SPATA6L: variants seen among roughly 807,000 people sequenced by gnomAD.
SPATA6L encodes spermatogenesis associated 6 like.
SPATA6L carries 68 observed loss-of-function variants against 49.2 expected under a neutral mutation model. The observed-to-expected ratio is 1.38, with a 90% CI of 1.14 to 1.69. The LOEUF (loss-of-function observed/expected upper bound fraction) is 1.69, where lower values mean the gene tolerates loss of function less well. SPATA6L is among the 40% of genes most tolerant of loss of function. SPATA6L has a pLI of 0.00. For synonymous variants in SPATA6L, 198 were observed against 165.7 expected (o/e 1.19, Z -1.50); for missense variants, 668 against 464.3 (o/e 1.44, Z -4.03).
intron 2 of SPATA6L, among the ~76,000 whole-genome samples, chr9:4,656,673 A>G (rs545147048): frequency 3.9e-5 from 6 of 152,366 alleles, no homozygotes; most frequent in African/African-American, 1.4e-4. Context: ...AAGTGCAAGA[A>G]AATTTCAATT....
intron 6 of SPATA6L, among the ~76,000 whole-genome samples, chr9:4,624,616 T>A (rs1464914514): frequency 2.6e-5 from 4 of 151,174 alleles, no homozygotes; most frequent in Non-Finnish European, 5.9e-5. Flanking sequence ...TAATCTCAGC[T>A]ACTCAGGAGG....
downstream of SPATA6L, among the ~76,000 whole-genome samples, chr9:4,595,543 C>A (rs2129961159): frequency 6.6e-6 from 1 of 152,278 alleles, no homozygotes; most frequent in Admixed American, 6.5e-5. Context: ...ATATTTAGGA[C>A]ACTTCAGAAG....
At chr9:4,665,257 A>C (rs1473911223) in intron 1 of SPATA6L, 1 of 164,156 alleles carries the variant, frequency 6.1e-6, no homozygotes, top group African/African-American at 2.4e-5. Context: ...AATAATGGTG[A>C]ATGAAGTGAG....
chr9:4,648,236 A>C (rs865866280), intron 3 of SPATA6L, among the ~76,000 whole-genome samples: 35 of 152,352 alleles, frequency 2.3e-4, no homozygotes, highest in African/African-American at 7.9e-4. Context: ...CAAGAAACTT[A>C]AAAACCAAGA....
chr9:4,662,555 A>G lies in SPATA6L; in HGVS notation c.40-519T>C, dbSNP rs1840085817. Reference sequence around the variant, plus strand: ...ACCCCACCTGCGCCCGGCTCCGTGCATCGGAGAGCCCAGTTCACCGCCGCG... The same window carrying G: ...ACCCCACCTGCGCCCGGCTCCGTGCGTCGGAGAGCCCAGTTCACCGCCGCG... On this transcript the variant is annotated intron_variant, in intron 1 of 11. Coordinates refer to ENST00000682582, the MANE Select transcript of SPATA6L (RefSeq NM_001353486.2). The surrounding 1 kb of genome is among the most constrained non-coding windows in gnomAD (Gnocchi z 4.9). The G allele has an allele frequency of 1.3e-6, 2 of 1,578,974 alleles. No individual in the cohort carries two copies. The highest frequency in any genetic ancestry group is 1.7e-6 in the Non-Finnish European group (2 of 1,171,620).
chr9:4,629,775 A>ATATATATG (rs1471147977), intron 4 of SPATA6L, among the ~76,000 whole-genome samples: 1 of 124,606 alleles, frequency 8.0e-6, no homozygotes, highest in Non-Finnish European at 1.6e-5. Flanking sequence ...GTGTGTATAT[A>ATATATATG]TATATATATA....
At chr9:4,656,945 C>T (rs1251977641) in intron 2 of SPATA6L, among the ~76,000 whole-genome samples, 2 of 150,782 alleles carry the variant, frequency 1.3e-5, no homozygotes, top group Admixed American at 6.6e-5. Context: ...CTAGCAGCTA[C>T]ACTCCCATAG....
chr9:4,642,611 A>G (rs1388857363), intron 3 of SPATA6L, among the ~76,000 whole-genome samples: 1 of 152,344 alleles, frequency 6.6e-6, no homozygotes, highest in Middle Eastern at 3.4e-3. Context: ...CACAGCAGGC[A>G]GGACTATGAT....
chr9:4,618,528 C>G (rs186071417), intron 8 of SPATA6L, among the ~76,000 whole-genome samples: 49 of 152,270 alleles, frequency 3.2e-4, no homozygotes, highest in African/African-American at 1.2e-3. Context: ...CTTTGACAAA[C>G]CAATCAAACT....
At chr9:4,609,136 A>G (rs1826043303) in intron 9 of SPATA6L, among the ~76,000 whole-genome samples, 1 of 151,644 alleles carries the variant, frequency 6.6e-6, no homozygotes, top group Non-Finnish European at 1.5e-5. Flanking sequence ...ACAGGATCTG[A>G]AATTGTGGCA....
chr9:4,657,106 A>T (rs1838454865), intron 2 of SPATA6L, among the ~76,000 whole-genome samples: 1 of 152,138 alleles, frequency 6.6e-6, no homozygotes, highest in South Asian at 2.1e-4. Flanking sequence ...ATAAAGGTAC[A>T]CCCTGTCTTT....
intron 9 of SPATA6L, among the ~76,000 whole-genome samples, chr9:4,614,573 A>T (rs927509295): frequency 2.0e-5 from 3 of 152,204 alleles, no homozygotes; most frequent in Non-Finnish European, 2.9e-5. Context: ...TATGAAGGGC[A>T]CATCCCTCAT....
At chr9:4,606,356 A>C (rs565782416) in intron 9 of SPATA6L, among the ~76,000 whole-genome samples, 2,559 of 137,582 alleles carry the variant, frequency 0.019, 99 homozygotes, top group Non-Finnish European at 0.028. Context: ...GGCACAGACA[A>C]ACAAAAAGAC....
Position 4,666,462 on chromosome 9 carries a change from A to C in SPATA6L, c.-212T>G. On this transcript the variant is annotated 5_prime_UTR_variant, in exon 1 of 12. Transcript: ENST00000682582. ...TCGAAGCTGGAGTGCAGGCTTCCAG[A>C]AGGCGGAAGCGTGGCGTTGCCAGGG... The C allele has an allele frequency of 1.7e-6, 1 of 576,970 alleles. No homozygotes were observed. The highest frequency in any genetic ancestry group is 3.1e-6 in the Non-Finnish European group (1 of 321,570). The allele number at this position is 576,970 out of a possible 1,614,324, so 35.7% of individuals were successfully genotyped here. A position where few individuals can be genotyped will look rare whatever the true frequency, so the allele number is the denominator to read the frequency against.
chr9:4,661,336 T>C (rs1839680228), intron 2 of SPATA6L, among the ~76,000 whole-genome samples: 2 of 152,178 alleles, frequency 1.3e-5, no homozygotes, highest in South Asian at 4.1e-4. Context: ...AATAGTTTAG[T>C]GTGAAGAAGG....
rs527856167 is a variant in SPATA6L, at chr9:4,647,103, G to GA, written c.226+8937dup. ...AGCATTTCACCTCCTGAAAAGTATT[G>GA]AAAAAAAAAGATGCAATATTTGTCT... On this transcript the variant is annotated intron_variant, in intron 3 of 11. Transcript: ENST00000682582. 1.5e-3 allele frequency among the ~76,000 whole-genome samples: 218 copies of GA among 146,612 alleles called. 3 individuals carry two copies. In the South Asian group the frequency reaches 0.043, roughly 29 times the overall value.
intron 7 of SPATA6L, among the ~76,000 whole-genome samples, chr9:4,622,027 A>G (rs891776459): frequency 1.3e-5 from 2 of 152,056 alleles, no homozygotes; most frequent in Non-Finnish European, 2.9e-5. Context: ...CCTGATCACC[A>G]TCAATCTCCT....
chr9:4,663,684 A>C (rs1840394229), intron 1 of SPATA6L: 1 of 189,230 alleles, frequency 5.3e-6, no homozygotes, highest in Non-Finnish European at 1.2e-5. Context: ...ACATGCAGAC[A>C]GGTCATGTAC....
At chr9:4,643,862 C>G (rs1834617796) in intron 3 of SPATA6L, among the ~76,000 whole-genome samples, 1 of 152,002 alleles carries the variant, frequency 6.6e-6, no homozygotes, top group Non-Finnish European at 1.5e-5. Flanking sequence ...CAAAAATTAG[C>G]TGGACGCATT....
Sources: allele counts gnomAD v4.1 joint callset (sites outside exome capture counted in the v4.1 genomes callset), GRCh38; gene constraint gnomAD v4.1.1; non-coding constraint Gnocchi (gnomAD v3.1); transcripts MANE v1.5; gene names NCBI Gene and HGNC (gene_info 2026-07-23, HGNC 2026-07-21).